The following TRRAP variants were observed in gnomAD, a reference collection of about 807,000 sequenced individuals.
TRRAP encodes transformation/transcription domain associated protein, also known as transformation/transcription domain-associated protein.
In TRRAP, 41 loss-of-function variants were observed where a neutral mutation model predicts 438.8. That is an observed-to-expected ratio of 0.09 (90% confidence interval 0.07 to 0.12). The LOEUF is 0.12. Ranked by LOEUF, TRRAP falls within the 10% of genes least tolerant of loss-of-function variation. The pLI is 1.00. For missense variants in TRRAP, 3,122 were observed against 5,055.1 expected, an observed-to-expected ratio of 0.62 and a Z score of 11.60; for synonymous variants, 1,994 against 1,962.9, an observed-to-expected ratio of 1.02 and a Z score of -0.42.
At chr7:98,993,468 C>T in intron 65 of TRRAP, 70 bp from the exon 66 acceptor site, 1 of 1,528,658 alleles carries the variant, frequency 6.5e-7, no homozygotes, top group Non-Finnish European at 8.9e-7. Flanking sequence ...GCCCATGGGT[C>T]CTGCAGCGCT....
At chr7:98,961,588 C>G (rs1043580893) in intron 46 of TRRAP, 114 bp downstream of exon 46, 178 of 1,285,694 alleles carry the variant, frequency 1.4e-4, no homozygotes, top group Non-Finnish European at 1.8e-4. Flanking sequence ...TATCACTTTC[C>G]TTTCTACTTG....
In TRRAP at chr7:98,908,076, G is replaced by A. The variant is rs1186800839; in HGVS notation, c.1116-652G>A. Among the ~76,000 whole-genome samples, 1 of 152,108 alleles carries A rather than the reference G, an allele frequency of 6.6e-6. No homozygotes were observed. Among genetic ancestry groups the A allele is most frequent in the African/African-American group, 2.4e-5 (1 of 41,410 alleles). On this transcript the variant is annotated intron_variant, in intron 13 of 72. Coordinates refer to ENST00000456197, the MANE Select transcript of TRRAP (RefSeq NM_001375524.1). This position sits in a 1 kb window ranked among gnomAD's most constrained non-coding sequence, Gnocchi z 4.1. ...TTTTGTCCTTAAGATCTCAACTTCA[G>A]TGCCACCTCAAAGGAACTGTCCCTG... is the stretch of plus-strand genomic sequence containing the variant.
At chr7:98,952,898 CA>C (rs1554418461) in intron 39 of TRRAP, among the ~76,000 whole-genome samples, 1 of 152,196 alleles carries the variant, frequency 6.6e-6, no homozygotes, top group Non-Finnish European at 1.5e-5. Flanking sequence ...TTGCATGACT[CA>C]GCTTTCAGCT....
In TRRAP at chr7:98,964,748, G is replaced by A; in HGVS notation, c.6949G>A (p.Ala2317Thr). ...MVREHLNPQA[A>T]SGSTEATSGT... ...CCGGGAGCATTTAAACCCTCAGGCA[G>A]CGTCAGGAAGCACCGAAGCCACCTC... is the stretch of plus-strand genomic sequence containing the variant. Residue 2317 changes from alanine to threonine, a missense_variant, in exon 48 of 73, where the codon GCG becomes ACG. Physicochemically the swap from Ala to Thr is moderately conservative, Grantham distance 58 (BLOSUM62 0). This residue lies in a region of TRRAP where 992 missense variants were observed against 1,281.2 expected (regional missense o/e 0.77). Transcript: ENST00000456197. The A allele has an allele frequency of 6.2e-7, 1 of 1,613,234 alleles. No individual in the cohort carries two copies. Among genetic ancestry groups the A allele is most frequent in the Non-Finnish European group, 8.5e-7 (1 of 1,179,714 alleles).
chr7:99,005,758 A>T lies in TRRAP; in HGVS notation c.10753+410A>T, dbSNP rs375715607. Among the ~76,000 whole-genome samples the T allele has an allele frequency of 6.6e-6, 1 of 151,630 alleles. No individual in the cohort carries two copies. Among genetic ancestry groups the T allele is most frequent in the African/African-American group, 2.4e-5 (1 of 41,322 alleles). Reference sequence around the variant, plus strand: ...TGTGTGGCCTGAGACAATTCTTCCAATGTGGCCCAGGGAAGCCAAAAGATT... The same window carrying T: ...TGTGTGGCCTGAGACAATTCTTCCATTGTGGCCCAGGGAAGCCAAAAGATT... On this transcript the variant is annotated intron_variant, in intron 69 of 72. Transcript: ENST00000456197. This position sits in a 1 kb window ranked among gnomAD's most constrained non-coding sequence, Gnocchi z 5.1.
At chr7:98,962,545 G>A (rs1341586361) in intron 47 of TRRAP, 118 bp downstream of exon 47, 3 of 1,562,108 alleles carry the variant, frequency 1.9e-6, no homozygotes, top group East Asian at 4.5e-5. Context: ...TTGAGCCGCT[G>A]CGTTGTTCAG....
intron 16 of TRRAP, among the ~76,000 whole-genome samples, chr7:98,910,858 T>G (rs1789232685): frequency 6.6e-6 from 1 of 152,150 alleles, no homozygotes; most frequent in Non-Finnish European, 1.5e-5. Context: ...TTAAGTTTAA[T>G]AATTTTTTTC....
chr7:98,965,608 A>G, intron 48 of TRRAP, 88 bp from the exon 49 acceptor site: 1 of 1,574,912 alleles, frequency 6.3e-7, no homozygotes, highest in Non-Finnish European at 8.7e-7. Context: ...AAATGGGCAG[A>G]ACCCAGCATG....
chr7:98,915,891 C>A lies in TRRAP; in HGVS notation c.2365+3C>A. The A allele has an allele frequency of 6.2e-7, 1 of 1,614,068 alleles. No individual in the cohort carries two copies. Among genetic ancestry groups the A allele is most frequent in the South Asian group, 1.1e-5 (1 of 91,052 alleles). ...TCTCCTTCCAAACCTCCTGCAAGGT[C>A]AGAGCAGTGACTTTGGTTGCCTTTT... On this transcript the variant is annotated splice_donor_region_variant and intron_variant, in intron 19 of 72. Coordinates refer to ENST00000456197, the MANE Select transcript of TRRAP (RefSeq NM_001375524.1).
intron 66 of TRRAP, among the ~76,000 whole-genome samples, chr7:98,993,982 G>A (rs1018071205): frequency 2.6e-5 from 4 of 152,218 alleles, no homozygotes; most frequent in Admixed American, 6.5e-5. Flanking sequence ...AATGCTGGCC[G>A]TGCTCATGTC....
intron 70 of TRRAP, among the ~76,000 whole-genome samples, chr7:99,010,398 G>A (rs915586228): frequency 3.3e-5 from 5 of 152,252 alleles, no homozygotes; most frequent in Admixed American, 1.3e-4. Flanking sequence ...TGCATGTGTC[G>A]CCGGTGGCCT....
At position 99,012,444 on chromosome 7, in the gene TRRAP, T is replaced by C; in HGVS notation, c.*89T>C. 7.1e-7 allele frequency: 1 copy of C among 1,413,794 alleles called. No individual in the cohort carries two copies. Among genetic ancestry groups the C allele is most frequent in the Non-Finnish European group, 9.4e-7 (1 of 1,061,818 alleles). The allele number at this position is 1,413,794 out of a possible 1,614,324, so 87.6% of individuals were successfully genotyped here. A position where few individuals can be genotyped will look rare whatever the true frequency, so the allele number is the denominator to read the frequency against. ...CGACTTCTCCCTGCCTCGTTCCTTA[T>C]ATTCACAGAAGCCCCATAGTTTCAC... is the stretch of plus-strand genomic sequence containing the variant. On this transcript the variant is annotated 3_prime_UTR_variant, in exon 73 of 73. Coordinates refer to ENST00000456197, the MANE Select transcript of TRRAP (RefSeq NM_001375524.1). The surrounding 1 kb of genome is among the most constrained non-coding windows in gnomAD (Gnocchi z 5.9).
chr7:98,995,278 A>T (rs1401632149), intron 67 of TRRAP, among the ~76,000 whole-genome samples: 1 of 147,192 alleles, frequency 6.8e-6, no homozygotes. Context: ...ACCAGGTGGG[A>T]TGGTGGGAGA....
In TRRAP at chr7:98,891,141, G is replaced by A. The variant is rs529355326; in HGVS notation, c.261+696G>A. Among the ~76,000 whole-genome samples, 6 of 145,532 alleles carry A rather than the reference G, an allele frequency of 4.1e-5. No individual in the cohort carries two copies. In the East Asian group the frequency reaches 6.1e-4, roughly 15 times the overall value. On this transcript the variant is annotated intron_variant, in intron 4 of 72. Coordinates refer to ENST00000456197, the MANE Select transcript of TRRAP (RefSeq NM_001375524.1). ...ATGGTCAATTTTGTTTTATCGACAC[G>A]CCCCCAACACACTGTTCATACCTCC...
In TRRAP at chr7:98,881,956, C is replaced by A. The variant is rs1243808350; in HGVS notation, c.101-19C>A. 4 of 1,595,526 alleles carry A rather than the reference C, an allele frequency of 2.5e-6. No homozygotes were observed. The highest frequency in any genetic ancestry group is 3.4e-6 in the Non-Finnish European group (4 of 1,175,412). ...TTAACATAATTTCAATTACCTGATG[C>A]TTGTTTTGCCGTTCACAGCTGATGA... On this transcript the variant is annotated intron_variant, in intron 2 of 72. Coordinates refer to ENST00000456197, the MANE Select transcript of TRRAP (RefSeq NM_001375524.1).
At chr7:98,966,168 T>C (rs1373687690) in intron 49 of TRRAP, among the ~76,000 whole-genome samples, 1 of 150,936 alleles carries the variant, frequency 6.6e-6, no homozygotes, top group Non-Finnish European at 1.5e-5. Context: ...TAGCCAGGCA[T>C]GGTGGCGGGC....
At chr7:98,947,119 C>T (rs1791117560) in intron 33 of TRRAP, among the ~76,000 whole-genome samples, 1 of 152,222 alleles carries the variant, frequency 6.6e-6, no homozygotes, top group Non-Finnish European at 1.5e-5. Context: ...GCGCGCACAG[C>T]GCAGCACGGC....
chr7:99,011,576 CCACT>C lies in TRRAP; in HGVS notation c.11337+44_11337+47del. On this transcript the variant is annotated intron_variant, in intron 72 of 72. Coordinates refer to ENST00000456197, the MANE Select transcript of TRRAP (RefSeq NM_001375524.1). The surrounding 1 kb of genome is among the most constrained non-coding windows in gnomAD (Gnocchi z 7.1). ...GTCCTATCACAGGCGCAGGCTAGAG[CCACT>C]CAGATGCCCGCGCGTCACGGCCTTG... The C allele has an allele frequency of 6.3e-7, 1 of 1,591,100 alleles. No homozygotes were observed. The highest frequency in any genetic ancestry group is 8.6e-7 in the Non-Finnish European group (1 of 1,169,334).
intron 38 of TRRAP, 145 bp downstream of exon 38, chr7:98,950,407 A>G: frequency 2.0e-6 from 2 of 988,946 alleles, no homozygotes; most frequent in Non-Finnish European, 2.9e-6. Flanking sequence ...CTGTAATCCC[A>G]GGTACTCAGG....
Sources: allele counts gnomAD v4.1 joint callset (sites outside exome capture counted in the v4.1 genomes callset), GRCh38; gene constraint gnomAD v4.1.1; regional missense constraint gnomAD v4.1.1; non-coding constraint Gnocchi (gnomAD v3.1); transcripts MANE v1.5; gene names NCBI Gene and HGNC (gene_info 2026-07-23, HGNC 2026-07-21).